The following TM2D1 variants were observed in gnomAD, a reference collection of about 807,000 sequenced individuals.
TM2D1 encodes the protein TM2 domain containing 1.
TM2D1 carries 15 observed loss-of-function variants against 28.4 expected under a neutral mutation model. The ratio of observed to expected loss-of-function variants is 0.53; its 90% CI spans 0.35 to 0.81. The LOEUF (loss-of-function observed/expected upper bound fraction) is 0.81, where lower values mean the gene tolerates loss of function less well. Ranked by LOEUF, TM2D1 falls within the 40% of genes least tolerant of loss-of-function variation. The probability of loss-of-function intolerance (pLI) is 0.01; values close to 1 mark genes in which losing one functional copy is unlikely to be tolerated. For missense variants in TM2D1, 236 were observed against 254.9 expected (o/e 0.93, Z 0.50); for synonymous variants, 93 against 96.2 (o/e 0.97, Z 0.20).
At chr1:61,692,935 G>A (rs1351323927) in intron 5 of TM2D1, among the ~76,000 whole-genome samples, 1 of 152,088 alleles carries the variant, frequency 6.6e-6, no homozygotes, top group Non-Finnish European at 1.5e-5. Context: ...CCTAATCCCA[G>A]AAGATCTTTA....
chr1:61,716,516 T>C (rs891572759), intron 2 of TM2D1, among the ~76,000 whole-genome samples: 26 of 141,390 alleles, frequency 1.8e-4, no homozygotes, highest in South Asian at 1.7e-3. Context: ...ATTTTATATA[T>C]GTATATAATT....
At chr1:61,695,199 C>CA (rs57587623) in intron 4 of TM2D1, among the ~76,000 whole-genome samples, 3,210 of 146,194 alleles carry the variant, frequency 0.022, 110 homozygotes, top group African/African-American at 0.074. Context: ...ATTGTCATGC[C>CA]AAAAAAAAAA....
intron 5 of TM2D1, among the ~76,000 whole-genome samples, chr1:61,686,599 G>C (rs1386307541): frequency 1.3e-5 from 2 of 152,072 alleles, no homozygotes; most frequent in East Asian, 1.9e-4. Flanking sequence ...CAAGGAGGCA[G>C]AGTTGCAGTG....
rs151312432 is a variant in TM2D1 at position 61,719,752 on chromosome 1, C to T, written c.238+3961G>A. Among the ~76,000 whole-genome samples the T allele has an allele frequency of 2.5e-3, 375 of 152,298 alleles. 1 individual carries two copies. Among genetic ancestry groups the T allele is most frequent in the African/African-American group, 8.5e-3 (352 of 41,576 alleles). On this transcript the variant is annotated intron_variant, in intron 2 of 6. Coordinates refer to ENST00000606498, the MANE Select transcript of TM2D1 (RefSeq NM_032027.3). ...TCAGGTGACCCACCTGCCTCGGCCTCCCCAAGTGCTGAGATTACAGGCATG... is the reference window on the plus strand; with the variant it reads ...TCAGGTGACCCACCTGCCTCGGCCTTCCCAAGTGCTGAGATTACAGGCATG...
At chr1:61,722,508 A>G in intron 2 of TM2D1, among the ~76,000 whole-genome samples, 1 of 151,918 alleles carries the variant, frequency 6.6e-6, no homozygotes, top group Non-Finnish European at 1.5e-5. Flanking sequence ...AGCTGGGATT[A>G]CAGGTGCCCA....
At position 61,718,092 on chromosome 1, in the gene TM2D1, T is replaced by C. The variant is rs1004377205; in HGVS notation, c.238+5621A>G. On this transcript the variant is annotated intron_variant, in intron 2 of 6. Transcript: ENST00000606498. ...CAACACTTTCGGAGGCCGAGGCAAG[T>C]GGATTGCTTGAGCTCAGGAGTTAGA... Among the ~76,000 whole-genome samples the C allele has an allele frequency of 2.0e-5, 3 of 152,114 alleles. No individual in the cohort carries two copies. The South Asian group carries it at 6.2e-4, about 32-fold the overall frequency.
At chr1:61,691,215 G>T (rs1046500144) in intron 5 of TM2D1, among the ~76,000 whole-genome samples, 2 of 152,042 alleles carry the variant, frequency 1.3e-5, no homozygotes, top group Non-Finnish European at 2.9e-5. Flanking sequence ...AAATGCCCAG[G>T]CCAGGCATGG....
At chr1:61,709,239 T>C (rs922274214) in intron 3 of TM2D1, 90 bp downstream of exon 3, 15 of 768,824 alleles carry the variant, frequency 2.0e-5, no homozygotes, top group Non-Finnish European at 3.3e-5. Flanking sequence ...ATTTTCAGGA[T>C]AGTCCCCATA....
At chr1:61,720,780 GA>G (rs1644557799) in intron 2 of TM2D1, among the ~76,000 whole-genome samples, 1 of 151,858 alleles carries the variant, frequency 6.6e-6, no homozygotes. Flanking sequence ...GAATGATACT[GA>G]GCTAACCAAG....
chr1:61,721,951 T>TA (rs768461684), intron 2 of TM2D1, among the ~76,000 whole-genome samples: 9,093 of 43,938 alleles, frequency 0.21, 1,694 homozygotes, highest in East Asian at 0.32. Flanking sequence ...TCTCTACAGC[T>TA]AAAAAAAAAA....
At chr1:61,697,971 T>C (rs1164311434) in intron 4 of TM2D1, 1 of 152,200 alleles carries the variant, frequency 6.6e-6, no homozygotes, top group African/African-American at 2.4e-5. Context: ...AAGAAAGTGT[T>C]CTGTAGCAAA....
At chr1:61,683,695 T>C (rs1644263938) in intron 5 of TM2D1, 149 bp from the exon 6 acceptor site, 1 of 476,910 alleles carries the variant, frequency 2.1e-6, no homozygotes, top group Non-Finnish European at 3.7e-6. Context: ...TAGTGGCTCA[T>C]GTAGCTAAAA....
chr1:61,691,932 A>AAAAAAATATATATATATATATATATAT, intron 5 of TM2D1, among the ~76,000 whole-genome samples: 6 of 76,390 alleles, frequency 7.9e-5, no homozygotes, highest in East Asian at 4.7e-4. Context: ...AAAAAAAAAA[A>AAAAAAATATATATATATATATATATAT]ATATATATAT....
intron 5 of TM2D1, among the ~76,000 whole-genome samples, chr1:61,691,495 C>CAAAA (rs1183951634): frequency 7.6e-4 from 30 of 39,328 alleles, no homozygotes; most frequent in South Asian, 1.9e-3. Flanking sequence ...AACTCCATCT[C>CAAAA]AAAAAAAAAA....
chr1:61,723,017 A>T (rs551418491), intron 2 of TM2D1, among the ~76,000 whole-genome samples: 1 of 152,306 alleles, frequency 6.6e-6, no homozygotes, highest in South Asian at 2.1e-4. Context: ...TTTCTATCCC[A>T]AAAGAAGTCT....
intron 5 of TM2D1, among the ~76,000 whole-genome samples, chr1:61,687,971 T>C (rs1644295512): frequency 6.6e-6 from 1 of 152,256 alleles, no homozygotes; most frequent in South Asian, 2.1e-4. Flanking sequence ...CTTCTGTGTG[T>C]GACTAATTTT....
intron 4 of TM2D1, among the ~76,000 whole-genome samples, chr1:61,697,202 C>T (rs951618894): frequency 6.6e-6 from 1 of 152,010 alleles, no homozygotes; most frequent in Non-Finnish European, 1.5e-5. Flanking sequence ...TAACATCACA[C>T]GTTTGGAGTA....
intron 1 of TM2D1, 129 bp downstream of exon 1, chr1:61,724,828 T>C: frequency 9.5e-7 from 1 of 1,049,764 alleles, no homozygotes; most frequent in Non-Finnish European, 1.3e-6. Flanking sequence ...GATCCTTCAG[T>C]CATTAGAAGC....
intron 4 of TM2D1, among the ~76,000 whole-genome samples, chr1:61,695,874 T>C (rs960569076): frequency 3.3e-5 from 5 of 152,228 alleles, no homozygotes; most frequent in African/African-American, 1.2e-4. Context: ...ACCTAACATT[T>C]TATCTTTGAT....
Sources: allele counts gnomAD v4.1 joint callset (sites outside exome capture counted in the v4.1 genomes callset), GRCh38; gene constraint gnomAD v4.1.1; transcripts MANE v1.5; gene names NCBI Gene and HGNC (gene_info 2026-07-23, HGNC 2026-07-21).